ATP10A: variants seen among roughly 807,000 people sequenced by gnomAD.
ATP10A encodes the protein ATPase phospholipid transporting 10A (putative), also known as phospholipid-transporting ATPase VA.
A neutral mutation model predicts 147.8 loss-of-function variants in ATP10A; 111 were observed. The ratio of observed to expected loss-of-function variants is 0.75; its 90% CI spans 0.64 to 0.88. The LOEUF (loss-of-function observed/expected upper bound fraction) is 0.88. Ranked by LOEUF, ATP10A falls within the 40% of genes least tolerant of loss-of-function variation. The pLI, the probability that ATP10A is intolerant of heterozygous loss-of-function variation, is 0.00. For synonymous variants in ATP10A, 875 were observed against 841.6 expected, an observed-to-expected ratio of 1.04 and a Z score of -0.69; for missense variants, 1,927 against 1,959.0, an observed-to-expected ratio of 0.98 and a Z score of 0.31.
At chr15:25,773,172 T>C (rs1383143834) in intron 2 of ATP10A, among the ~76,000 whole-genome samples, 2 of 152,172 alleles carry the variant, frequency 1.3e-5, no homozygotes, top group Non-Finnish European at 1.5e-5. Context: ...AATGTGTTCA[T>C]GGATCTCTGC....
At chr15:25,844,035 T>C (rs1892919124) in intron 1 of ATP10A, among the ~76,000 whole-genome samples, 1 of 152,068 alleles carries the variant, frequency 6.6e-6, no homozygotes, top group Admixed American at 6.5e-5. Flanking sequence ...ACAAATCGAA[T>C]AGAGAGATCA....
chr15:25,783,484 C>G (rs927624344), intron 1 of ATP10A, among the ~76,000 whole-genome samples: 2 of 147,278 alleles, frequency 1.4e-5, no homozygotes, highest in Non-Finnish European at 3.1e-5. Flanking sequence ...GGGACCCCCC[C>G]CTGGCAAAGT....
chr15:25,793,261 A>G (rs1276557481), intron 1 of ATP10A, among the ~76,000 whole-genome samples: 1 of 152,196 alleles, frequency 6.6e-6, no homozygotes, highest in African/African-American at 2.4e-5. Context: ...GCCTCCAGAT[A>G]GAAATGCATG....
chr15:25,796,791 C>T (rs1385424363), intron 1 of ATP10A, among the ~76,000 whole-genome samples: 1 of 152,252 alleles, frequency 6.6e-6, no homozygotes, highest in Non-Finnish European at 1.5e-5. Flanking sequence ...AAGGTGGTGA[C>T]AGCCGTAATT....
Position 25,740,805 on chromosome 15 carries a change from G to A in ATP10A, c.655-4664C>T, listed in dbSNP as rs190281243. Among the ~76,000 whole-genome samples the A allele has an allele frequency of 2.6e-5, 4 of 152,272 alleles. No homozygotes were observed. The East Asian group carries it at 7.7e-4, about 29-fold the overall frequency. On this transcript the variant is annotated intron_variant, in intron 2 of 20. Transcript: ENST00000555815. ...AAGTTTTCCACCTTAACAAAGCCTT[G>A]GAGACAGCTGCTGCCCTACAGAATG...
intron 1 of ATP10A, among the ~76,000 whole-genome samples, chr15:25,818,543 A>C (rs1891759068): frequency 6.6e-6 from 1 of 152,184 alleles, no homozygotes; most frequent in Admixed American, 6.5e-5. Flanking sequence ...AGCCATCTAC[A>C]GATTCAAAGC....
chr15:25,705,571 C>T (rs772585737), intron 12 of ATP10A, among the ~76,000 whole-genome samples: 12 of 152,116 alleles, frequency 7.9e-5, no homozygotes, highest in South Asian at 2.1e-4. Flanking sequence ...ACACAGTGCC[C>T]GCGTTTGAGC....
At position 25,691,095 on chromosome 15, in the gene ATP10A, G is replaced by T. The variant is rs577440039; in HGVS notation, c.3165+620C>A. On this transcript the variant is annotated intron_variant, in intron 15 of 20. Coordinates refer to ENST00000555815, the MANE Select transcript of ATP10A (RefSeq NM_024490.4). ...TCAACATCCTGGTTTTTAGAACTTC[G>T]GATAAATTGTTCCCTAAAATCTCCA... 9.9e-5 allele frequency among the ~76,000 whole-genome samples: 15 copies of T among 152,210 alleles called. 2 individuals are homozygous for T. In the South Asian group the frequency reaches 3.1e-3, roughly 32 times the overall value.
At chr15:25,740,811 A>T (rs1346848275) in intron 2 of ATP10A, among the ~76,000 whole-genome samples, 1 of 152,210 alleles carries the variant, frequency 6.6e-6, no homozygotes, top group East Asian at 1.9e-4. Flanking sequence ...CCTTGGAGAC[A>T]GCTGCTGCCC....
chr15:25,708,366 C>A (rs772821788), intron 10 of ATP10A, 66 bp from the exon 11 acceptor site: 14 of 1,375,992 alleles, frequency 1.0e-5, no homozygotes, highest in Non-Finnish European at 1.4e-5. Context: ...TTCAGACACT[C>A]CGAGATTTAC....
At chr15:25,692,766 G>A (rs1900106676) in intron 14 of ATP10A, among the ~76,000 whole-genome samples, 1 of 152,166 alleles carries the variant, frequency 6.6e-6, no homozygotes, top group African/African-American at 2.4e-5. Flanking sequence ...ACTAGGAGTA[G>A]GTCACATTGA....
rs200901399 is a variant in ATP10A at position 25,851,766 on chromosome 15, G to T, written c.449+10882C>A. ...TGACACCTAAAATTCTTTGGGCTTGGAGGCACAATTCAGTGTCTTAGCAAT... is the reference window on the plus strand; with the variant it reads ...TGACACCTAAAATTCTTTGGGCTTGTAGGCACAATTCAGTGTCTTAGCAAT... On this transcript the variant is annotated intron_variant, in intron 1 of 20. Transcript: ENST00000555815. Among the ~76,000 whole-genome samples, 49 of 152,222 alleles carry T rather than the reference G, an allele frequency of 3.2e-4. 1 individual carries two copies. In the East Asian group the frequency reaches 8.3e-3, roughly 26 times the overall value.
Position 25,718,188 on chromosome 15 carries a change from G to A in ATP10A, c.1575C>T (p.Ser525=). The change falls in exon 8 of 21, where the codon AGC becomes AGT. Residue 525 remains serine, a synonymous_variant. Transcript: ENST00000555815. ...SMLSKHTAFS[S]PMEKDITPDP... ...GGAGGCCCTGTACACTCACCATGGG[G>A]CTGCTGAAGGCCGTGTGCTTGGACA... The A allele has an allele frequency of 6.2e-7, 1 of 1,612,780 alleles. No individual in the cohort carries two copies. The highest frequency in any genetic ancestry group is 8.5e-7 in the Non-Finnish European group (1 of 1,179,812).
chr15:25,708,176 C>T (rs549666651), intron 11 of ATP10A, 21 bp downstream of exon 11: 10 of 1,614,166 alleles, frequency 6.2e-6, no homozygotes, highest in East Asian at 2.2e-5. Flanking sequence ...CGTGCACCCT[C>T]GCGGAGACAC....
chr15:25,763,183 A>G (rs79414100), intron 2 of ATP10A, among the ~76,000 whole-genome samples: 3,845 of 152,270 alleles, frequency 0.025, 56 homozygotes, highest in Middle Eastern at 0.048. Flanking sequence ...CACTCAATTC[A>G]TTCTCGAGCA....
intron 8 of ATP10A, among the ~76,000 whole-genome samples, chr15:25,717,496 T>C (rs1170233997): frequency 6.6e-6 from 1 of 152,190 alleles, no homozygotes; most frequent in Non-Finnish European, 1.5e-5. Context: ...CAGGAAACCT[T>C]GTTCCAGTGC....
intron 1 of ATP10A, among the ~76,000 whole-genome samples, chr15:25,823,353 C>A (rs1216325461): frequency 6.6e-6 from 1 of 152,156 alleles, no homozygotes; most frequent in Non-Finnish European, 1.5e-5. Flanking sequence ...TTAATTCATA[C>A]AATGTTTTCA....
At chr15:25,833,086 G>A (rs1975504) in intron 1 of ATP10A, among the ~76,000 whole-genome samples, 23,466 of 149,658 alleles carry the variant, frequency 0.16, 1,921 homozygotes, top group Middle Eastern at 0.2. Context: ...GGCTTCAAGT[G>A]ATTCTTGTGC....
intron 2 of ATP10A, among the ~76,000 whole-genome samples, chr15:25,751,678 A>G (rs1888162198): frequency 6.6e-6 from 1 of 152,190 alleles, no homozygotes; most frequent in Admixed American, 6.5e-5. Flanking sequence ...GCACAGCAAA[A>G]GAACAATTAA....
Sources: allele counts gnomAD v4.1 joint callset (sites outside exome capture counted in the v4.1 genomes callset), GRCh38; gene constraint gnomAD v4.1.1; transcripts MANE v1.5; gene names NCBI Gene and HGNC (gene_info 2026-07-23, HGNC 2026-07-21).